The following PTPN4 variants were observed in gnomAD, a reference collection of about 807,000 sequenced individuals.
The protein encoded by PTPN4 is tyrosine-protein phosphatase non-receptor type 4.
PTPN4 carries 49 observed loss-of-function variants against 135.5 expected under a neutral mutation model. The ratio of observed to expected loss-of-function variants is 0.36; its 90% CI spans 0.29 to 0.46. The LOEUF is 0.46. PTPN4 is among the 20% of genes least tolerant of loss of function. The probability of loss-of-function intolerance (pLI) is 1.00; values close to 1 mark genes in which losing one functional copy is unlikely to be tolerated. For synonymous variants in PTPN4, 333 were observed against 369.9 expected, an observed-to-expected ratio of 0.90 and a Z score of 1.14; for missense variants, 860 against 1,101.0, an observed-to-expected ratio of 0.78 and a Z score of 3.10.
chr2:119,966,681 C>T (rs1679450445), intron 25 of PTPN4, among the ~76,000 whole-genome samples: 1 of 152,206 alleles, frequency 6.6e-6, no homozygotes, highest in Non-Finnish European at 1.5e-5. Flanking sequence ...CTTCCTTCTT[C>T]CTTGCCTGTG....
chr2:119,934,808 C>T lies in PTPN4; in HGVS notation c.1205C>T (p.Ser402Phe). ...TCTCCCTCTTTATTTAGTCGAAATTCTACATTCACGCAGGAAGGAACCCGG... is the reference window on the plus strand; with the variant it reads ...TCTCCCTCTTTATTTAGTCGAAATTTTACATTCACGCAGGAAGGAACCCGG... The part of the protein sequence containing the change: ...SPPGTPNHRN[S>F]TFTQEGTRLR... Residue 402 changes from serine to phenylalanine, a missense_variant, in exon 15 of 27, where the codon TCT becomes TTT. Physicochemically the swap from Ser to Phe is radical, Grantham distance 155 (BLOSUM62 -2). This residue lies in a region of PTPN4 where 684 missense variants were observed against 807.0 expected (regional missense o/e 0.85). Coordinates refer to ENST00000263708, the MANE Select transcript of PTPN4 (RefSeq NM_002830.4). The T allele has an allele frequency of 6.2e-7, 1 of 1,613,636 alleles. No individual in the cohort carries two copies. Among genetic ancestry groups the T allele is most frequent in the Non-Finnish European group, 8.5e-7 (1 of 1,179,832 alleles).
intron 18 of PTPN4, among the ~76,000 whole-genome samples, chr2:119,951,353 T>G (rs138921767): frequency 3.2e-4 from 49 of 152,328 alleles, no homozygotes; most frequent in African/African-American, 1.2e-3. Context: ...TTCACTTTGC[T>G]GCACTTTCAT....
chr2:119,797,253 T>C (rs180981756), intron 1 of PTPN4, among the ~76,000 whole-genome samples: 57 of 152,292 alleles, frequency 3.7e-4, no homozygotes, highest in Non-Finnish European at 4.7e-4. Context: ...TGAATTCCCT[T>C]TTTACCTTTG....
At chr2:119,823,686 A>G (rs1677104605) in intron 2 of PTPN4, among the ~76,000 whole-genome samples, 1 of 152,184 alleles carries the variant, frequency 6.6e-6, no homozygotes, top group African/African-American at 2.4e-5. Flanking sequence ...TTTGCTGAAG[A>G]TTTCAGTGGT....
chr2:119,912,987 CTGTGTGG>C (rs1198406176), intron 10 of PTPN4, among the ~76,000 whole-genome samples: 1 of 152,038 alleles, frequency 6.6e-6, no homozygotes, highest in African/African-American at 2.4e-5. Flanking sequence ...AGATCATGTA[CTGTGTGG>C]TCTTTTGTGA....
intron 9 of PTPN4, among the ~76,000 whole-genome samples, chr2:119,889,756 G>T (rs963893497): frequency 6.6e-6 from 1 of 152,152 alleles, no homozygotes; most frequent in South Asian, 2.1e-4. Flanking sequence ...GGCATTTATT[G>T]CTGTAAACAT....
chr2:119,922,107 T>G (rs1678745208), intron 12 of PTPN4, among the ~76,000 whole-genome samples: 1 of 151,384 alleles, frequency 6.6e-6, no homozygotes, highest in Non-Finnish European at 1.5e-5. Flanking sequence ...TACGGTGACT[T>G]CAAATACAAA....
At chr2:119,835,485 A>T (rs530956697) in intron 2 of PTPN4, among the ~76,000 whole-genome samples, 4 of 152,000 alleles carry the variant, frequency 2.6e-5, no homozygotes, top group African/African-American at 7.2e-5. Context: ...CTGGCCATTT[A>T]TGTTATCTCC....
chr2:119,821,474 A>C (rs1250780667), intron 2 of PTPN4, among the ~76,000 whole-genome samples: 3 of 151,478 alleles, frequency 2.0e-5, no homozygotes, highest in Non-Finnish European at 4.4e-5. Context: ...TAGTATTATG[A>C]CACTTTTTTT....
rs745718718 is a variant in PTPN4, at chr2:119,945,089, A to G, written c.1364A>G (p.Glu455Gly). 1 of 1,594,224 alleles carries G rather than the reference A, an allele frequency of 6.3e-7. No individual in the cohort carries two copies. Among genetic ancestry groups the G allele is most frequent in the Non-Finnish European group, 8.5e-7 (1 of 1,174,094 alleles). ...TTTGTTTTCTTGTCTAGATCACAAG[A>G]GACCCCTGGAGATGGGAAGCCTCCA... Reference protein sequence around the residue: ...SIVLESSPSQETPGDGKPPAL... With the variant: ...SIVLESSPSQGTPGDGKPPAL... The change falls in exon 16 of 27, where the codon GAG (glutamate) becomes GGG (glycine). Residue 455 changes from glutamate (E) to glycine (G), a missense_variant. Transcript: ENST00000263708.
In PTPN4 at chr2:119,920,240, T is replaced by C; in HGVS notation, c.1000T>C (p.Cys334Arg). The stretch of plus-strand genomic sequence containing the variant: ...TACATTAGGTTCAAAATTCCGGTAC[T>C]GGTAAGTATTGCTTCTGTGTTAAGG... The part of the protein sequence containing the change: ...YFTLGSKFRY[C>R]GRTEVQSVQY... Residue 334 changes from cysteine (C) to arginine (R), a missense_variant and splice_region_variant, in exon 12 of 27, where the codon TGT becomes CGT. Cys to Arg is a radical substitution (Grantham distance 180, BLOSUM62 -3). This residue lies in a region of PTPN4 where 684 missense variants were observed against 807.0 expected (regional missense o/e 0.85). Transcript: ENST00000263708. The C allele has an allele frequency of 6.2e-7, 1 of 1,604,178 alleles. No homozygotes were observed. The highest frequency in any genetic ancestry group is 8.5e-7 in the Non-Finnish European group (1 of 1,173,242).
chr2:119,931,513 G>A (rs1322254418), intron 13 of PTPN4, among the ~76,000 whole-genome samples: 1 of 135,416 alleles, frequency 7.4e-6, no homozygotes, highest in Non-Finnish European at 1.5e-5. Context: ...TGCTATCACA[G>A]CTCACTGCAG....
intron 1 of PTPN4, among the ~76,000 whole-genome samples, chr2:119,779,671 G>T (rs1690901655): frequency 6.6e-6 from 1 of 151,340 alleles, no homozygotes; most frequent in Non-Finnish European, 1.5e-5. Context: ...GTGGGTAATT[G>T]ATTGATGATT....
At chr2:119,920,009 A>G (rs778140808) in intron 11 of PTPN4, 60 bp from the exon 12 acceptor site, 28 of 1,529,738 alleles carry the variant, frequency 1.8e-5, no homozygotes, top group Non-Finnish European at 2.4e-5. Context: ...AAGTAAATTA[A>G]ATGGAGCATT....
intron 3 of PTPN4, among the ~76,000 whole-genome samples, chr2:119,869,111 G>C (rs1160975039): frequency 1.3e-5 from 2 of 151,736 alleles, no homozygotes; most frequent in Non-Finnish European, 2.9e-5. Flanking sequence ...AATAAACAAA[G>C]GGATGAAAAG....
rs776557204 is a variant in PTPN4 at position 119,952,141 on chromosome 2, A to G, written c.1813+12A>G. On this transcript the variant is annotated intron_variant, in intron 19 of 26. Coordinates refer to ENST00000263708, the MANE Select transcript of PTPN4 (RefSeq NM_002830.4). ...AGTTCGACCTAATGGTGAGTACTCT[A>G]TGTAGTACCAGATAATTTATAGTAA... 2.5e-6 allele frequency: 4 copies of G among 1,600,456 alleles called. No individual in the cohort carries two copies. Among genetic ancestry groups the G allele is most frequent in the Admixed American group, 1.7e-5 (1 of 59,436 alleles).
chr2:119,931,778 A>G lies in PTPN4; in HGVS notation c.1071-646A>G, dbSNP rs538526303. ...AAAACATCACTTAGTTTTCATCTTT[A>G]TCATTAGGATAGCTGATAATATATA... On this transcript the variant is annotated intron_variant, in intron 13 of 26. Transcript: ENST00000263708. Among the ~76,000 whole-genome samples, 5 of 152,156 alleles carry G rather than the reference A, an allele frequency of 3.3e-5. No homozygotes were observed. In the South Asian group the frequency reaches 8.3e-4, roughly 25 times the overall value.
chr2:119,878,913 G>GA (rs1444617590), intron 5 of PTPN4, among the ~76,000 whole-genome samples: 2 of 151,748 alleles, frequency 1.3e-5, no homozygotes, highest in Non-Finnish European at 2.9e-5. Flanking sequence ...CTAACACGGT[G>GA]AAACCCCATC....
chr2:119,844,349 A>AC (rs368879771), intron 2 of PTPN4, among the ~76,000 whole-genome samples: 7 of 114,038 alleles, frequency 6.1e-5, no homozygotes, highest in African/African-American at 1.3e-4. Context: ...CGGGGGGCTG[A>AC]CCCCCCCCCC....
Sources: allele counts gnomAD v4.1 joint callset (sites outside exome capture counted in the v4.1 genomes callset), GRCh38; gene constraint gnomAD v4.1.1; regional missense constraint gnomAD v4.1.1; transcripts MANE v1.5; gene names NCBI Gene and HGNC (gene_info 2026-07-23, HGNC 2026-07-21).